AGBL1: variants seen among roughly 807,000 people sequenced by gnomAD.
AGBL1 encodes the protein cytosolic carboxypeptidase 4.
Under a neutral mutation model 118.9 loss-of-function variants are expected in AGBL1, and 130 were observed. The observed-to-expected ratio is 1.09, with a 90% CI of 0.95 to 1.26. The LOEUF is 1.26. Among genes scored for constraint, AGBL1 ranks in the 50% most tolerant of loss-of-function variants. AGBL1 has a pLI of 0.00. For synonymous variants in AGBL1, 555 were observed against 478.9 expected (o/e 1.16, Z -2.08); for missense variants, 1,584 against 1,298.1 (o/e 1.22, Z -3.38).
At chr15:86,575,231 G>A (rs1163378008) in intron 21 of AGBL1, among the ~76,000 whole-genome samples, 2 of 151,700 alleles carry the variant, frequency 1.3e-5, no homozygotes, top group Non-Finnish European at 2.9e-5. Flanking sequence ...GGGTGTGGTG[G>A]TGCATGTCTG....
intron 22 of AGBL1, among the ~76,000 whole-genome samples, chr15:86,852,685 C>CAGGTCAACATGTAATGGAG (rs1429710054): frequency 1.3e-5 from 2 of 152,140 alleles, no homozygotes; most frequent in Non-Finnish European, 2.9e-5. Flanking sequence ...CTGGTTACCC[C>CAGGTCAACATGTAATGGAG]AGGTCAACAT....
rs890333771 is a variant in AGBL1 at position 86,566,116 on chromosome 15, G to A, written c.2994+11579G>A. On this transcript the variant is annotated intron_variant, in intron 21 of 22. Transcript: ENST00000614907. ...GCCTCGCCCTGCTTTGGCTCACCTC[G>A]TTGGGCTGCACTCACTGTCCTGCAC... 3.3e-4 allele frequency among the ~76,000 whole-genome samples: 50 copies of A among 151,394 alleles called. 1 individual carries two copies. The highest frequency in any genetic ancestry group is 2.1e-4 in the South Asian group (1 of 4,806).
intron 18 of AGBL1, among the ~76,000 whole-genome samples, chr15:86,452,783 T>A (rs2082212450): frequency 6.6e-6 from 1 of 152,270 alleles, no homozygotes; most frequent in East Asian, 1.9e-4. Context: ...CCCTTGCTAT[T>A]TCTGCCCACT....
At chr15:86,236,141 G>C (rs1316851819) in intron 6 of AGBL1, among the ~76,000 whole-genome samples, 1 of 152,096 alleles carries the variant, frequency 6.6e-6, no homozygotes, top group Admixed American at 6.5e-5. Context: ...ATCCTTTGCA[G>C]AGCCACTGTA....
chr15:86,973,895 A>ATATATATTAAATATAAACATATTT (rs2081136756), intron 23 of AGBL1, among the ~76,000 whole-genome samples: 1 of 121,024 alleles, frequency 8.3e-6, no homozygotes, highest in East Asian at 2.4e-4. Flanking sequence ...ATATATACAT[A>ATATATATTAAATATAAACATATTT]TATATATTAA....
At position 86,523,378 on chromosome 15, in the gene AGBL1, T is replaced by C. The variant is rs376045710; in HGVS notation, c.2685+439T>C. On this transcript the variant is annotated intron_variant, in intron 19 of 22. Coordinates refer to ENST00000614907, the MANE Select transcript of AGBL1 (RefSeq NM_001386094.1). Reference sequence around the variant, plus strand: ...CCTCTTCTAATAAGGACATTAGTCATTGTATTAGGGCTTATTCTAATTAAG... The same window carrying C: ...CCTCTTCTAATAAGGACATTAGTCACTGTATTAGGGCTTATTCTAATTAAG... Among the ~76,000 whole-genome samples the C allele has an allele frequency of 2.0e-4, 30 of 152,298 alleles. 1 individual carries two copies. Among genetic ancestry groups the C allele is most frequent in the Middle Eastern group, 3.4e-3 (1 of 294 alleles).
intron 22 of AGBL1, among the ~76,000 whole-genome samples, chr15:86,692,634 G>A (rs1284845601): frequency 2.0e-5 from 3 of 151,936 alleles, no homozygotes; most frequent in Non-Finnish European, 2.9e-5. Flanking sequence ...CATTGATTTT[G>A]GAGGGAACAG....
chr15:86,975,925 G>C (rs1383374883), intron 23 of AGBL1, among the ~76,000 whole-genome samples: 1 of 57,058 alleles, frequency 1.8e-5, no homozygotes, highest in Non-Finnish European at 4.1e-5. Flanking sequence ...CAAGCCCCAT[G>C]ACAGCAGAGC....
chr15:86,672,394 A>G (rs2085762022), intron 21 of AGBL1, among the ~76,000 whole-genome samples: 1 of 152,232 alleles, frequency 6.6e-6, no homozygotes, highest in African/African-American at 2.4e-5. Context: ...ACCTACCAGT[A>G]TGGCATATAC....
At chr15:86,874,428 T>G (rs1567218805) in intron 22 of AGBL1, among the ~76,000 whole-genome samples, 2 of 148,632 alleles carry the variant, frequency 1.3e-5, no homozygotes, top group South Asian at 4.3e-4. Context: ...CAGTAACCTA[T>G]GCATAATAAA....
At chr15:86,515,654 G>T (rs2083111360) in intron 18 of AGBL1, among the ~76,000 whole-genome samples, 1 of 152,156 alleles carries the variant, frequency 6.6e-6, no homozygotes, top group South Asian at 2.1e-4. Context: ...AATGTCAGCT[G>T]GTTGCAATGG....
In AGBL1 at chr15:86,099,419, C is replaced by G. The variant is rs144384402; in HGVS notation, c.51+19396C>G. On this transcript the variant is annotated intron_variant, in intron 1 of 22. Coordinates refer to ENST00000614907, the MANE Select transcript of AGBL1 (RefSeq NM_001386094.1). The stretch of plus-strand genomic sequence containing the variant: ...TGTGTTTTGGTTTTGTATCCTGTCA[C>G]TTTACTGAAATTGTTTATCAGCTCG... 2.2e-3 allele frequency among the ~76,000 whole-genome samples: 340 copies of G among 152,078 alleles called. 15 individuals carry two copies. The South Asian group carries it at 0.067, about 30-fold the overall frequency.
At chr15:86,241,925 C>G (rs746573459) in intron 6 of AGBL1, among the ~76,000 whole-genome samples, 6 of 152,180 alleles carry the variant, frequency 3.9e-5, no homozygotes, top group Non-Finnish European at 8.8e-5. Context: ...TGAATTGTAG[C>G]TCTCACAGTT....
intron 20 of AGBL1, among the ~76,000 whole-genome samples, chr15:86,549,703 G>A (rs1010611188): frequency 6.6e-6 from 1 of 151,870 alleles, no homozygotes; most frequent in Non-Finnish European, 1.5e-5. Context: ...TTATTTCCAA[G>A]CAACTGTTAA....
At chr15:86,572,142 G>C (rs551421975) in intron 21 of AGBL1, among the ~76,000 whole-genome samples, 1 of 152,330 alleles carries the variant, frequency 6.6e-6, no homozygotes, top group South Asian at 2.1e-4. Flanking sequence ...TGACAGCGGG[G>C]AGAAGGCAGG....
chr15:86,261,771 G>C (rs747116579), intron 9 of AGBL1, among the ~76,000 whole-genome samples: 10 of 151,948 alleles, frequency 6.6e-5, no homozygotes, highest in Non-Finnish European at 1.2e-4. Flanking sequence ...ATCATTAAAA[G>C]GTTTCGAAAT....
At chr15:86,344,933 T>G (rs1404041683) in intron 17 of AGBL1, among the ~76,000 whole-genome samples, 1 of 152,150 alleles carries the variant, frequency 6.6e-6, no homozygotes, top group African/African-American at 2.4e-5. Flanking sequence ...CCTTTCCTTT[T>G]CAGAGTCATA....
chr15:86,690,492 A>G (rs909714532), intron 22 of AGBL1, among the ~76,000 whole-genome samples: 1 of 152,156 alleles, frequency 6.6e-6, no homozygotes, highest in African/African-American at 2.4e-5. Context: ...CACCTTTTTA[A>G]ACAGGCAAAA....
intron 21 of AGBL1, among the ~76,000 whole-genome samples, chr15:86,565,675 T>C (rs1340476888): frequency 6.6e-6 from 1 of 152,232 alleles, no homozygotes; most frequent in Non-Finnish European, 1.5e-5. Context: ...CAGGGACATT[T>C]AATTCTGCAG....
Sources: gnomAD v4.1 joint callset for allele counts (sites outside exome capture counted in the v4.1 genomes callset) on GRCh38, gnomAD v4.1.1 for gene constraint, MANE v1.5 for transcripts, NCBI Gene and HGNC (gene_info 2026-07-23, HGNC 2026-07-21) for gene names.